Variants in NRXN1 observed in about 807,000 individuals in gnomAD.
NRXN1 encodes the protein neurexin-1.
A neutral mutation model predicts 150.9 loss-of-function variants in NRXN1; 39 were observed. The observed-to-expected ratio is 0.26, with a 90% CI of 0.20 to 0.34. NRXN1 has a LOEUF of 0.34. NRXN1 is among the 10% of genes least tolerant of loss of function. The pLI, the probability that NRXN1 is intolerant of heterozygous loss-of-function variation, is 1.00. For synonymous variants in NRXN1, 924 were observed against 757.0 expected (o/e 1.22, Z -3.62); for missense variants, 1,815 against 1,949.9 (o/e 0.93, Z 1.30).
chr2:50,518,617 T>C (rs2092694603), intron 12 of NRXN1, among the ~76,000 whole-genome samples: 1 of 149,644 alleles, frequency 6.7e-6, no homozygotes, highest in Non-Finnish European at 1.5e-5. Context: ...TGATATTCCA[T>C]AAACGAAGCC....
At chr2:50,557,721 A>G (rs567433474) in intron 8 of NRXN1, among the ~76,000 whole-genome samples, 2 of 152,346 alleles carry the variant, frequency 1.3e-5, no homozygotes, top group South Asian at 4.1e-4. Context: ...TTTTATTAAC[A>G]TTATTATAAA....
At chr2:50,254,628 C>A (rs1370280342) in intron 17 of NRXN1, among the ~76,000 whole-genome samples, 1 of 150,258 alleles carries the variant, frequency 6.7e-6, no homozygotes, top group African/African-American at 2.5e-5. Context: ...TTGTTCATTT[C>A]TCAATTTTTT....
chr2:50,920,596 C>G (rs572384933), intron 5 of NRXN1, among the ~76,000 whole-genome samples: 49 of 151,732 alleles, frequency 3.2e-4, no homozygotes, highest in African/African-American at 1.2e-3. Flanking sequence ...TCCCTAAGTC[C>G]ACAAACTAAA....
At chr2:49,990,246 G>A (rs1681691690) in intron 21 of NRXN1, among the ~76,000 whole-genome samples, 1 of 152,154 alleles carries the variant, frequency 6.6e-6, no homozygotes, top group Admixed American at 6.6e-5. Flanking sequence ...TTCTGTCCCA[G>A]TGAATAACTA....
chr2:50,117,436 A>G (rs1703219212), intron 18 of NRXN1, among the ~76,000 whole-genome samples: 1 of 152,176 alleles, frequency 6.6e-6, no homozygotes, highest in Non-Finnish European at 1.5e-5. Flanking sequence ...TAATTTAAAT[A>G]CAGTCATAAA....
intron 18 of NRXN1, among the ~76,000 whole-genome samples, chr2:50,212,220 T>C (rs934137022): frequency 1.1e-4 from 17 of 150,184 alleles, no homozygotes; most frequent in African/African-American, 4.2e-4. Flanking sequence ...TCTTTATAAA[T>C]GTCACAGAAA....
At chr2:50,404,032 A>G (rs910589179) in intron 17 of NRXN1, among the ~76,000 whole-genome samples, 1 of 152,098 alleles carries the variant, frequency 6.6e-6, no homozygotes, top group African/African-American at 2.4e-5. Context: ...TTGGAAAATG[A>G]GTGGATGGGT....
chr2:50,036,181 T>C (rs979737464), intron 21 of NRXN1, among the ~76,000 whole-genome samples: 3 of 152,140 alleles, frequency 2.0e-5, no homozygotes, highest in Non-Finnish European at 4.4e-5. Flanking sequence ...GGTAACTGAA[T>C]CATGGGGGAG....
rs1428015190 is a variant in NRXN1, at chr2:50,347,003, G to C, written c.3365-110033C>G. On this transcript the variant is annotated intron_variant, in intron 17 of 22. Coordinates refer to ENST00000401669, the MANE Select transcript of NRXN1 (RefSeq NM_001330078.2). This position sits in a 1 kb window ranked among gnomAD's most constrained non-coding sequence, Gnocchi z 4.9. Reference sequence around the variant, plus strand: ...CGCGGGAGGCAAAGTTTGGGGCGCGGGGAGAGGAGAGGGCGCAGGGGAGCG... The same window carrying C: ...CGCGGGAGGCAAAGTTTGGGGCGCGCGGAGAGGAGAGGGCGCAGGGGAGCG... 1 of 1,369,502 alleles carries C rather than the reference G, an allele frequency of 7.3e-7. No individual in the cohort carries two copies. Among genetic ancestry groups the C allele is most frequent in the Non-Finnish European group, 9.4e-7 (1 of 1,061,730 alleles). 84.8% of individuals were successfully genotyped at this position (1,369,502 alleles called of 1,614,324 possible).
In NRXN1 at chr2:50,530,536, A is replaced by T. The variant is rs543244219; in HGVS notation, c.2347+691T>A. ...TGGTTTTTCCCCATAATTCATCTAG[A>T]TTGGTGAGGTTTTACTGTAATGGGT... is the stretch of plus-strand genomic sequence containing the variant. On this transcript the variant is annotated intron_variant, in intron 11 of 22. Transcript: ENST00000401669. Among the ~76,000 whole-genome samples, 26 of 152,224 alleles carry T rather than the reference A, an allele frequency of 1.7e-4. 2 individuals carry two copies. The South Asian group carries it at 5.4e-3, about 32-fold the overall frequency.
rs741351 is a variant in NRXN1, at chr2:50,528,338, A to C, written c.2374+287T>G. On this transcript the variant is annotated intron_variant, in intron 12 of 22. Transcript: ENST00000401669. ...TTATGAAGAGAACAACTGGAGTCTA[A>C]AAATGCCACTTGCAGTATCTAAATG... 0.048 allele frequency among the ~76,000 whole-genome samples: 7,277 copies of C among 152,184 alleles called. 574 individuals carry two copies. The highest frequency in any genetic ancestry group is 0.16 in the African/African-American group (6,807 of 41,490).
In NRXN1 at chr2:50,347,586, A is replaced by C; in HGVS notation, c.3365-110616T>G. The C allele has an allele frequency of 9.9e-7, 1 of 1,013,280 alleles. No individual in the cohort carries two copies. The highest frequency in any genetic ancestry group is 1.2e-6 in the Non-Finnish European group (1 of 846,684). 62.8% of individuals were successfully genotyped at this position (1,013,280 alleles called of 1,614,324 possible). On this transcript the variant is annotated intron_variant, in intron 17 of 22. Coordinates refer to ENST00000401669, the MANE Select transcript of NRXN1 (RefSeq NM_001330078.2). This position sits in a 1 kb window ranked among gnomAD's most constrained non-coding sequence, Gnocchi z 4.9. ...GGCGCGCATCGCCTGCTCCCGAGGC[A>C]ATCTCCGCGTCCGCCGCCTCCTGAC...
At chr2:50,761,856 C>T (rs953808888) in intron 5 of NRXN1, among the ~76,000 whole-genome samples, 2 of 151,794 alleles carry the variant, frequency 1.3e-5, no homozygotes, top group African/African-American at 4.8e-5. Flanking sequence ...CATCTTTCTC[C>T]CATGCTGGAT....
At chr2:50,486,152 T>C (rs1275102521) in intron 15 of NRXN1, among the ~76,000 whole-genome samples, 1 of 152,220 alleles carries the variant, frequency 6.6e-6, no homozygotes, top group African/African-American at 2.4e-5. Context: ...AATGATATTA[T>C]AGCTTGACCA....
At chr2:50,524,402 C>G (rs2092884755) in intron 12 of NRXN1, among the ~76,000 whole-genome samples, 1 of 151,938 alleles carries the variant, frequency 6.6e-6, no homozygotes, top group Non-Finnish European at 1.5e-5. Flanking sequence ...CTGCTTGAAT[C>G]TGGGAGGCGG....
intron 5 of NRXN1, among the ~76,000 whole-genome samples, chr2:50,635,129 G>A (rs1683034902): frequency 6.6e-6 from 1 of 151,760 alleles, no homozygotes. Context: ...GGGCATTCTG[G>A]CTGCACCGAA....
intron 12 of NRXN1, among the ~76,000 whole-genome samples, chr2:50,514,771 A>C (rs1192282066): frequency 6.6e-6 from 1 of 152,234 alleles, no homozygotes; most frequent in Non-Finnish European, 1.5e-5. Context: ...ACGTATAGAT[A>C]ATTTAAACGT....
intron 18 of NRXN1, among the ~76,000 whole-genome samples, chr2:50,141,419 T>A (rs1707260650): frequency 1.3e-5 from 2 of 151,964 alleles, no homozygotes; most frequent in South Asian, 4.2e-4. Flanking sequence ...TACGGCTAAG[T>A]CCTCAGAAAC....
At chr2:50,362,141 T>A (rs1362173397) in intron 17 of NRXN1, among the ~76,000 whole-genome samples, 2 of 152,164 alleles carry the variant, frequency 1.3e-5, no homozygotes, top group East Asian at 3.9e-4. Context: ...ACAACAAATA[T>A]CATACTGAAG....
Sources: gnomAD v4.1 joint callset for allele counts (sites outside exome capture counted in the v4.1 genomes callset) on GRCh38, gnomAD v4.1.1 for gene constraint, Gnocchi (gnomAD v3.1) non-coding constraint, MANE v1.5 for transcripts, NCBI Gene and HGNC (gene_info 2026-07-23, HGNC 2026-07-21) for gene names.